The following SND1 variants were observed in gnomAD, a reference collection of about 807,000 sequenced individuals.
SND1 encodes the protein staphylococcal nuclease domain-containing protein 1.
In SND1, 38 loss-of-function variants were observed where a neutral mutation model predicts 121.7. The observed-to-expected ratio is 0.31, with a 90% CI of 0.24 to 0.41. SND1 has a LOEUF of 0.41. Among genes scored for constraint, SND1 ranks in the 10% least tolerant of loss-of-function variants. SND1 has a pLI of 1.00. For synonymous variants in SND1, 401 were observed against 447.4 expected (o/e 0.90, Z 1.31); for missense variants, 868 against 1,184.6 (o/e 0.73, Z 3.92).
intron 16 of SND1, chr7:128,028,146 A>G (rs1429073851): frequency 1.3e-5 from 2 of 152,418 alleles, no homozygotes; most frequent in Non-Finnish European, 2.9e-5. Flanking sequence ...TATTATTGCC[A>G]CTATCATTTT....
intron 14 of SND1, among the ~76,000 whole-genome samples, chr7:127,906,503 C>A (rs1432729914): frequency 6.6e-6 from 1 of 152,052 alleles, no homozygotes; most frequent in Non-Finnish European, 1.5e-5. Context: ...TTGGTGGTTC[C>A]TCAGCAGGAG....
At chr7:128,031,561 G>C (rs1311468322) in intron 16 of SND1, 1 of 150,866 alleles carries the variant, frequency 6.6e-6, no homozygotes, top group Non-Finnish European at 1.5e-5. Context: ...CGGGGGGTCA[G>C]TTCTCCAGTC....
intron 10 of SND1, among the ~76,000 whole-genome samples, chr7:127,786,899 C>A (rs1422208389): frequency 1.3e-5 from 2 of 152,218 alleles, no homozygotes; most frequent in Non-Finnish European, 2.9e-5. Flanking sequence ...ATCTCGGCCT[C>A]CCAAAGTGCT....
At chr7:128,047,322 G>GTAT (rs1792967145) in intron 16 of SND1, among the ~76,000 whole-genome samples, 1 of 152,214 alleles carries the variant, frequency 6.6e-6, no homozygotes, top group Admixed American at 6.5e-5. Flanking sequence ...CCACTCAGTG[G>GTAT]TCCCTTCCCT....
chr7:127,679,620 C>T (rs1795676890), intron 1 of SND1, among the ~76,000 whole-genome samples: 1 of 152,178 alleles, frequency 6.6e-6, no homozygotes, highest in Non-Finnish European at 1.5e-5. Context: ...CTGGGAACCA[C>T]TAGTCTATGT....
rs564076696 is a variant in SND1, at chr7:128,092,329, A to T, written c.*271A>T. 702 of 275,544 alleles carry T rather than the reference A, an allele frequency of 2.5e-3. No homozygotes were observed. Among genetic ancestry groups the T allele is most frequent in the African/African-American group, 9.1e-3 (394 of 43,136 alleles). 17.1% of individuals were successfully genotyped at this position (275,544 alleles called of 1,614,324 possible). On this transcript the variant is annotated 3_prime_UTR_variant, in exon 24 of 24. Coordinates refer to ENST00000354725, the MANE Select transcript of SND1 (RefSeq NM_014390.4). This position sits in a 1 kb window ranked among gnomAD's most constrained non-coding sequence, Gnocchi z 4.9. The stretch of plus-strand genomic sequence containing the variant: ...ATTTGGAGGTTTGTGGGCTTTTTTT[A>T]AAAAAAAAAAGTCCTCAAATCAGGA...
In SND1 at chr7:127,740,047, C is replaced by T. The variant is rs186860168; in HGVS notation, c.1152+18647C>T. The stretch of plus-strand genomic sequence containing the variant: ...CAGTTGCACTTCTGGCTGGCAGATT[C>T]GCCCTTGCTAAGTCTGTGCTCAGGT... On this transcript the variant is annotated intron_variant, in intron 10 of 23. Transcript: ENST00000354725. Among the ~76,000 whole-genome samples, 12 of 152,318 alleles carry T rather than the reference C, an allele frequency of 7.9e-5. No homozygotes were observed. The East Asian group carries it at 1.9e-3, about 25-fold the overall frequency.
At chr7:127,953,458 C>T (rs998234978) in intron 15 of SND1, among the ~76,000 whole-genome samples, 1 of 151,840 alleles carries the variant, frequency 6.6e-6, no homozygotes, top group East Asian at 1.9e-4. Flanking sequence ...TAAGTTTTTT[C>T]TCCCCCACTC....
intron 15 of SND1, among the ~76,000 whole-genome samples, chr7:127,974,320 G>A (rs567265956): frequency 4.6e-5 from 7 of 152,282 alleles, no homozygotes; most frequent in South Asian, 2.1e-4. Context: ...CTCCATCCAC[G>A]CAAGGTGAAT....
At chr7:127,966,135 A>G (rs1270877470) in intron 15 of SND1, among the ~76,000 whole-genome samples, 2 of 148,428 alleles carry the variant, frequency 1.3e-5, no homozygotes, top group Non-Finnish European at 3.0e-5. Context: ...TGTCTATTTG[A>G]TTCTTCTCTC....
intron 16 of SND1, among the ~76,000 whole-genome samples, chr7:128,062,288 G>A (rs182598293): frequency 6.6e-6 from 1 of 152,352 alleles, no homozygotes; most frequent in Non-Finnish European, 1.5e-5. Flanking sequence ...GGCACATGGA[G>A]GCAGGGTAGA....
intron 12 of SND1, chr7:127,858,574 C>G (rs1390756544): frequency 2.6e-6 from 1 of 377,572 alleles, no homozygotes; most frequent in Non-Finnish European, 4.9e-6. Context: ...GCAACACTGA[C>G]ATTGGGTTTG....
At chr7:128,034,913 G>C (rs1235057831) in intron 16 of SND1, among the ~76,000 whole-genome samples, 1 of 152,206 alleles carries the variant, frequency 6.6e-6, no homozygotes, top group African/African-American at 2.4e-5. Context: ...CTCACAGCCC[G>C]TGGCTCTGAC....
At chr7:127,987,829 C>T (rs1802429483) in intron 15 of SND1, among the ~76,000 whole-genome samples, 1 of 151,932 alleles carries the variant, frequency 6.6e-6, no homozygotes, top group Non-Finnish European at 1.5e-5. Flanking sequence ...ACATATATAA[C>T]TAACATATAT....
intron 9 of SND1, among the ~76,000 whole-genome samples, chr7:127,719,671 A>G (rs929933492): frequency 6.6e-6 from 1 of 152,212 alleles, no homozygotes; most frequent in Non-Finnish European, 1.5e-5. Flanking sequence ...AATTTTAAGT[A>G]TAGTAGAAAA....
chr7:127,989,811 G>C (rs1802481246), intron 15 of SND1, among the ~76,000 whole-genome samples: 1 of 152,200 alleles, frequency 6.6e-6, no homozygotes, highest in African/African-American at 2.4e-5. Context: ...TATAGCTACA[G>C]TGTGAATTTT....
chr7:127,811,139 G>A (rs550613231), intron 11 of SND1, among the ~76,000 whole-genome samples: 8 of 152,082 alleles, frequency 5.3e-5, no homozygotes, highest in Non-Finnish European at 1.0e-4. Context: ...GCCTTTTTGT[G>A]GCTTTCATGC....
chr7:128,023,322 A>C (rs571377766), intron 16 of SND1, among the ~76,000 whole-genome samples: 238 of 152,178 alleles, frequency 1.6e-3, no homozygotes, highest in African/African-American at 5.4e-3. Context: ...TCCTGGTAAC[A>C]CTTAATGGTC....
At chr7:127,974,026 C>G (rs1046056252) in intron 15 of SND1, among the ~76,000 whole-genome samples, 6 of 152,198 alleles carry the variant, frequency 3.9e-5, no homozygotes, top group African/African-American at 1.2e-4. Context: ...ACAGTACTGC[C>G]TCTCTGGGAG....
Sources: allele counts gnomAD v4.1 joint callset (sites outside exome capture counted in the v4.1 genomes callset), GRCh38; gene constraint gnomAD v4.1.1; non-coding constraint Gnocchi (gnomAD v3.1); transcripts MANE v1.5; gene names NCBI Gene and HGNC (gene_info 2026-07-23, HGNC 2026-07-21).